NDST3: variants seen among roughly 807,000 people sequenced by gnomAD.
NDST3 encodes N-deacetylase and N-sulfotransferase 3.
NDST3 carries 58 observed loss-of-function variants against 96.1 expected under a neutral mutation model. The ratio of observed to expected loss-of-function variants is 0.60; its 90% CI spans 0.49 to 0.75. NDST3 has a LOEUF of 0.75. NDST3 is among the 30% of genes least tolerant of loss of function. The pLI, the probability that NDST3 is intolerant of heterozygous loss-of-function variation, is 0.00. For synonymous variants in NDST3, 333 were observed against 359.7 expected (o/e 0.93, Z 0.84); for missense variants, 788 against 1,034.2 (o/e 0.76, Z 3.27).
intron 6 of NDST3, among the ~76,000 whole-genome samples, chr4:118,198,065 T>C (rs1465874867): frequency 6.6e-6 from 1 of 152,162 alleles, no homozygotes; most frequent in Non-Finnish European, 1.5e-5. Context: ...CCCAAAGTGC[T>C]GGGATTACAG....
chr4:118,085,080 G>A (rs1295093904), intron 2 of NDST3, among the ~76,000 whole-genome samples: 1 of 151,984 alleles, frequency 6.6e-6, no homozygotes, highest in African/African-American at 2.4e-5. Flanking sequence ...CTGAGATCAC[G>A]CTATTGCACT....
intron 6 of NDST3, among the ~76,000 whole-genome samples, chr4:118,148,806 G>A (rs1478330627): frequency 2.0e-5 from 3 of 151,936 alleles, no homozygotes; most frequent in Non-Finnish European, 4.4e-5. Flanking sequence ...CGCTAGTTCT[G>A]GAACACATTC....
At chr4:118,084,713 C>T (rs1220597335) in intron 2 of NDST3, among the ~76,000 whole-genome samples, 2 of 152,206 alleles carry the variant, frequency 1.3e-5, no homozygotes, top group African/African-American at 4.8e-5. Flanking sequence ...TAGACTCTTA[C>T]TATTACACTA....
At chr4:118,240,497 G>C in intron 10 of NDST3, 27 bp from the exon 11 acceptor site, 1 of 1,564,078 alleles carries the variant, frequency 6.4e-7, no homozygotes, top group Non-Finnish European at 8.7e-7. Flanking sequence ...GTTCAGATTA[G>C]TTTAATTATC....
At chr4:118,181,328 A>C (rs949084648) in intron 6 of NDST3, among the ~76,000 whole-genome samples, 2 of 152,166 alleles carry the variant, frequency 1.3e-5, no homozygotes, top group African/African-American at 4.8e-5. Context: ...GATGGAAGAT[A>C]AACGATGGTT....
intron 6 of NDST3, among the ~76,000 whole-genome samples, chr4:118,148,045 T>C (rs557035056): frequency 1.3e-5 from 2 of 152,316 alleles, no homozygotes; most frequent in Non-Finnish European, 1.5e-5. Flanking sequence ...ACGCCTGTAA[T>C]GTCAGCACTT....
intron 10 of NDST3, 119 bp from the exon 11 acceptor site, chr4:118,240,405 A>G (rs568573913): frequency 9.5e-6 from 7 of 737,320 alleles, no homozygotes; most frequent in African/African-American, 7.1e-5. Context: ...TTCAAAATAG[A>G]TAACTCTCCA....
chr4:118,137,052 C>A (rs1733158611), intron 4 of NDST3, among the ~76,000 whole-genome samples: 1 of 152,240 alleles, frequency 6.6e-6, no homozygotes, highest in Non-Finnish European at 1.5e-5. Context: ...GCTAACCATA[C>A]CTCTAACTTT....
At chr4:118,067,173 A>G (rs939574325) in intron 2 of NDST3, among the ~76,000 whole-genome samples, 1 of 151,696 alleles carries the variant, frequency 6.6e-6, no homozygotes, top group African/African-American at 2.4e-5. Context: ...ATGCTGAAAA[A>G]TACTTCTAGG....
chr4:118,139,397 G>A (rs17593919), intron 5 of NDST3, among the ~76,000 whole-genome samples: 78,075 of 152,150 alleles, frequency 0.51, 24,090 homozygotes, highest in East Asian at 0.74. Context: ...CTGTCCCTGT[G>A]GATCTGCTTT....
At chr4:118,170,589 T>C (rs1475298498) in intron 6 of NDST3, among the ~76,000 whole-genome samples, 1 of 151,826 alleles carries the variant, frequency 6.6e-6, no homozygotes, top group African/African-American at 2.4e-5. Flanking sequence ...ATTAGCCAGG[T>C]TTGGTGGTGC....
In NDST3 at chr4:118,136,803, T is replaced by C. The variant is rs571130376; in HGVS notation, c.1225-1251T>C. Among the ~76,000 whole-genome samples, 10 of 152,080 alleles carry C rather than the reference T, an allele frequency of 6.6e-5. 1 individual carries two copies. Among genetic ancestry groups the C allele is most frequent in the Admixed American group, 5.9e-4 (9 of 15,240 alleles). ...GGCATTCCAATTGAGGAAGACAGTG[T>C]GTACAGTATACAGCAATGACATGAA... On this transcript the variant is annotated intron_variant, in intron 4 of 13. Coordinates refer to ENST00000296499, the MANE Select transcript of NDST3 (RefSeq NM_004784.3).
At chr4:118,121,915 T>C (rs1379630935) in intron 4 of NDST3, among the ~76,000 whole-genome samples, 1 of 152,216 alleles carries the variant, frequency 6.6e-6, no homozygotes, top group African/African-American at 2.4e-5. Flanking sequence ...ATTGGAATTC[T>C]TTTCTTTGTA....
chr4:118,235,429 C>A lies in NDST3; in HGVS notation c.1944-1617C>A, dbSNP rs117070747. 3.7e-3 allele frequency among the ~76,000 whole-genome samples: 563 copies of A among 152,272 alleles called. 9 individuals carry two copies. Among genetic ancestry groups the A allele is most frequent in the East Asian group, 0.03 (156 of 5,178 alleles). On this transcript the variant is annotated intron_variant, in intron 9 of 13. Transcript: ENST00000296499. Reference sequence around the variant, plus strand: ...TAGGCAAACAAGAGCTGTGCCCTGCCCTCTCCATGAGCCCCTGGGGCCTGG... The same window carrying A: ...TAGGCAAACAAGAGCTGTGCCCTGCACTCTCCATGAGCCCCTGGGGCCTGG...
intron 6 of NDST3, among the ~76,000 whole-genome samples, chr4:118,214,974 T>C (rs1196503002): frequency 3.3e-5 from 5 of 152,146 alleles, no homozygotes; most frequent in Non-Finnish European, 5.9e-5. Context: ...GCTAGGAAAC[T>C]AGCAGTGATG....
intron 5 of NDST3, among the ~76,000 whole-genome samples, chr4:118,141,667 G>C (rs973915345): frequency 2.0e-5 from 3 of 152,144 alleles, no homozygotes; most frequent in African/African-American, 7.2e-5. Context: ...TATTCAAACT[G>C]AACCCTAGAA....
chr4:118,064,166 T>A (rs1051148731), intron 2 of NDST3, among the ~76,000 whole-genome samples: 5 of 152,188 alleles, frequency 3.3e-5, no homozygotes, highest in African/African-American at 9.6e-5. Context: ...AAATTGCCCA[T>A]AATTCTGATA....
intron 6 of NDST3, among the ~76,000 whole-genome samples, chr4:118,156,222 T>A (rs551220287): frequency 3.3e-5 from 5 of 152,186 alleles, no homozygotes; most frequent in Admixed American, 6.5e-5. Context: ...TCACTCTATG[T>A]CTTAAAGTGC....
At chr4:118,213,373 G>A (rs771541290) in intron 6 of NDST3, among the ~76,000 whole-genome samples, 4 of 152,042 alleles carry the variant, frequency 2.6e-5, no homozygotes, top group South Asian at 2.1e-4. Context: ...ATATGCATTC[G>A]GTTGGAACCT....
Sources: allele counts gnomAD v4.1 joint callset (sites outside exome capture counted in the v4.1 genomes callset), GRCh38; gene constraint gnomAD v4.1.1; transcripts MANE v1.5; gene names NCBI Gene and HGNC (gene_info 2026-07-23, HGNC 2026-07-21).